The following MDFIC2 variants were observed in gnomAD, a reference collection of about 807,000 sequenced individuals.
The protein encoded by MDFIC2 is MyoD family inhibitor domain containing 2.
intron 2 of MDFIC2, among the ~76,000 whole-genome samples, chr3:70,300,142 T>C (rs559938337): frequency 6.6e-6 from 1 of 152,222 alleles, no homozygotes; most frequent in African/African-American, 2.4e-5. Context: ...TTCTTTGAAA[T>C]TTATCCTTCC....
rs1474626488 is a variant in MDFIC2 at position 70,196,633 on chromosome 3, A to G, written c.*293T>C. Among the ~76,000 whole-genome samples the G allele has an allele frequency of 6.6e-6, 1 of 152,172 alleles. No individual in the cohort carries two copies. Among genetic ancestry groups the G allele is most frequent in the Non-Finnish European group, 1.5e-5 (1 of 68,016 alleles). ...CAATAACGCAGTGGCTTAACATGCT[A>G]TTTTATAGTCAAGAAACATCTTGTA... On this transcript the variant is annotated 3_prime_UTR_variant, in exon 4 of 4. Coordinates refer to ENST00000567252, the MANE Select transcript of MDFIC2 (RefSeq NM_001364677.1).
intron 2 of MDFIC2, among the ~76,000 whole-genome samples, chr3:70,244,351 T>C (rs1426824594): frequency 6.6e-6 from 1 of 152,196 alleles, no homozygotes; most frequent in Non-Finnish European, 1.5e-5. Flanking sequence ...CCTCTTTGAG[T>C]GAGTTACATC....
chr3:70,293,109 A>G (rs535003494), intron 2 of MDFIC2, among the ~76,000 whole-genome samples: 35 of 149,942 alleles, frequency 2.3e-4, no homozygotes, highest in Admixed American at 6.0e-4. Flanking sequence ...AAAATTCAGT[A>G]TTCACCAACT....
rs568607180 is a variant in MDFIC2 at position 70,297,123 on chromosome 3, C to A, written c.88+14763G>T. The stretch of plus-strand genomic sequence containing the variant: ...GATAGACACCTATTTCTCTCTGAAC[C>A]TTGCTTACTTAAAAAAATATTTTTA... On this transcript the variant is annotated intron_variant, in intron 2 of 3. Coordinates refer to ENST00000567252, the MANE Select transcript of MDFIC2 (RefSeq NM_001364677.1). Among the ~76,000 whole-genome samples, 9 of 152,164 alleles carry A rather than the reference C, an allele frequency of 5.9e-5. 1 individual carries two copies. The South Asian group carries it at 1.9e-3, about 32-fold the overall frequency.
chr3:70,278,844 A>G (rs916894505), intron 2 of MDFIC2, among the ~76,000 whole-genome samples: 98 of 152,072 alleles, frequency 6.4e-4, no homozygotes, highest in African/African-American at 2.4e-3. Context: ...AAGCCACCTC[A>G]AATCAAAGGG....
chr3:70,216,283 T>G (rs1345689965), intron 2 of MDFIC2, among the ~76,000 whole-genome samples: 1 of 150,310 alleles, frequency 6.7e-6, no homozygotes, highest in East Asian at 1.9e-4. Context: ...ACTATTCTAA[T>G]TAGATATCTG....
chr3:70,216,514 A>C (rs1701413880), intron 2 of MDFIC2, among the ~76,000 whole-genome samples: 1 of 152,066 alleles, frequency 6.6e-6, no homozygotes, highest in Admixed American at 6.6e-5. Flanking sequence ...ATAACTAGTA[A>C]GTGATGGAGC....
chr3:70,212,053 C>G (rs1701356992), intron 2 of MDFIC2, among the ~76,000 whole-genome samples: 1 of 152,016 alleles, frequency 6.6e-6, no homozygotes, highest in African/African-American at 2.4e-5. Context: ...CTACCCTGCC[C>G]TTGAAGGCCG....
intron 2 of MDFIC2, among the ~76,000 whole-genome samples, chr3:70,223,235 C>A (rs754764927): frequency 6.6e-6 from 1 of 152,054 alleles, no homozygotes; most frequent in Non-Finnish European, 1.5e-5. Flanking sequence ...TATTTGTGAG[C>A]CACAAAGCAA....
intron 2 of MDFIC2, among the ~76,000 whole-genome samples, chr3:70,262,532 G>A (rs1400005844): frequency 5.9e-5 from 9 of 152,092 alleles, no homozygotes; most frequent in African/African-American, 1.7e-4. Context: ...CGTTTCATGT[G>A]GGCCTTATTT....
chr3:70,258,286 T>C (rs1226422515), intron 2 of MDFIC2, among the ~76,000 whole-genome samples: 1 of 152,126 alleles, frequency 6.6e-6, no homozygotes, highest in Non-Finnish European at 1.5e-5. Context: ...ACTTAATAAA[T>C]TGGCTTTCAT....
intron 2 of MDFIC2, chr3:70,302,572 C>A (rs780727226): frequency 9.9e-5 from 15 of 152,182 alleles, no homozygotes; most frequent in Non-Finnish European, 1.3e-4. Flanking sequence ...AAAGGTGTAA[C>A]TTTCTTGAAA....
At chr3:70,208,191 G>A (rs1701310160) in intron 2 of MDFIC2, among the ~76,000 whole-genome samples, 1 of 152,068 alleles carries the variant, frequency 6.6e-6, no homozygotes, top group Admixed American at 6.6e-5. Context: ...TGGTTTGGTG[G>A]CACAACTGGG....
chr3:70,229,734 A>G (rs895467258), intron 2 of MDFIC2, among the ~76,000 whole-genome samples: 18 of 152,294 alleles, frequency 1.2e-4, no homozygotes, highest in African/African-American at 4.3e-4. Context: ...TCCCTGAGTC[A>G]CCACATGGTG....
chr3:70,292,580 C>A (rs1365540062), intron 2 of MDFIC2, among the ~76,000 whole-genome samples: 1 of 151,946 alleles, frequency 6.6e-6, no homozygotes, highest in African/African-American at 2.4e-5. Flanking sequence ...ATTTTTTATG[C>A]CAAACTATTT....
intron 2 of MDFIC2, among the ~76,000 whole-genome samples, chr3:70,212,933 A>G (rs1701365373): frequency 6.6e-6 from 1 of 152,036 alleles, no homozygotes; most frequent in African/African-American, 2.4e-5. Flanking sequence ...AGCAGGCACT[A>G]TAGGCGTGCA....
intron 2 of MDFIC2, among the ~76,000 whole-genome samples, chr3:70,268,908 C>T (rs904141421): frequency 4.6e-5 from 7 of 151,938 alleles, no homozygotes; most frequent in Non-Finnish European, 8.8e-5. Flanking sequence ...TTATGTATGG[C>T]CTCTATTAAT....
At chr3:70,281,616 T>A (rs772142907) in intron 2 of MDFIC2, among the ~76,000 whole-genome samples, 8 of 152,092 alleles carry the variant, frequency 5.3e-5, no homozygotes, top group East Asian at 1.9e-4. Context: ...TACACAGGAA[T>A]CTAAACGTCT....
chr3:70,305,690 T>G (rs1232614777), intron 2 of MDFIC2, among the ~76,000 whole-genome samples: 5 of 152,224 alleles, frequency 3.3e-5, no homozygotes, highest in Admixed American at 2.0e-4. Flanking sequence ...ATTCTATTAA[T>G]GTTCATGATC....
Sources: allele counts gnomAD v4.1 joint callset (sites outside exome capture counted in the v4.1 genomes callset), GRCh38; gene constraint gnomAD v4.1.1; transcripts MANE v1.5; gene names NCBI Gene and HGNC (gene_info 2026-07-23, HGNC 2026-07-21).